FOXP2: variants seen among roughly 807,000 people sequenced by gnomAD.
FOXP2 encodes forkhead box protein P2.
Under a neutral mutation model 115.8 loss-of-function variants are expected in FOXP2, and 12 were observed. That is an observed-to-expected ratio of 0.10 (90% CI 0.07 to 0.17). The LOEUF is 0.17. FOXP2 is among the 10% of genes least tolerant of loss of function. FOXP2 has a pLI of 1.00. For missense variants in FOXP2, 629 were observed against 843.5 expected (o/e 0.75, Z 3.15); for synonymous variants, 328 against 297.7 (o/e 1.10, Z -1.05).
At chr7:114,665,947 G>A (rs1807141087) in intron 16 of FOXP2, 1 of 151,892 alleles carries the variant, frequency 6.6e-6, no homozygotes, top group African/African-American at 2.4e-5. Context: ...ATAATAATTG[G>A]GCTAAATTGT....
At chr7:114,644,657 A>G in intron 7 of FOXP2, 28 bp from the exon 8 acceptor site, 2 of 1,580,322 alleles carry the variant, frequency 1.3e-6, no homozygotes, top group Non-Finnish European at 1.7e-6. Flanking sequence ...TTTTGAGATG[A>G]ATCTGACGTC....
chr7:114,510,768 T>C (rs184237097), intron 2 of FOXP2, among the ~76,000 whole-genome samples: 1 of 152,252 alleles, frequency 6.6e-6, no homozygotes, highest in East Asian at 1.9e-4. Context: ...GGAGTATAAA[T>C]TACTTCAACC....
intron 1 of FOXP2, among the ~76,000 whole-genome samples, chr7:114,274,857 G>A (rs982628827): frequency 6.6e-6 from 1 of 151,652 alleles, no homozygotes; most frequent in African/African-American, 2.4e-5. Flanking sequence ...GTTTCACCAT[G>A]TTACCTAGGC....
In FOXP2 at chr7:114,580,700, T is replaced by G. The variant is rs890882412; in HGVS notation, c.258+45994T>G. Reference sequence around the variant, plus strand: ...ACAAGAAATTGAGATTTCTGTAATTTTATACCTGGTTATCTGTATTTGGCA... The same window carrying G: ...ACAAGAAATTGAGATTTCTGTAATTGTATACCTGGTTATCTGTATTTGGCA... On this transcript the variant is annotated intron_variant, in intron 3 of 16. Coordinates refer to ENST00000350908, the MANE Select transcript of FOXP2 (RefSeq NM_014491.4). Among the ~76,000 whole-genome samples, 18 of 152,312 alleles carry G rather than the reference T, an allele frequency of 1.2e-4. No individual in the cohort carries two copies. In the East Asian group the frequency reaches 3.3e-3, roughly 28 times the overall value.
At chr7:114,601,822 T>C (rs186542683) in intron 3 of FOXP2, among the ~76,000 whole-genome samples, 2 of 152,266 alleles carry the variant, frequency 1.3e-5, no homozygotes, top group East Asian at 3.9e-4. Flanking sequence ...ACATCAGTGA[T>C]TTCAAGCCTT....
intron 10 of FOXP2, among the ~76,000 whole-genome samples, chr7:114,654,488 G>A (rs1383485773): frequency 6.6e-6 from 1 of 151,890 alleles, no homozygotes; most frequent in Non-Finnish European, 1.5e-5. Flanking sequence ...CTATTTCTTT[G>A]GTTATTTCAG....
At chr7:114,149,546 ACTAGCC>A (rs1792473574) in intron 1 of FOXP2, among the ~76,000 whole-genome samples, 1 of 152,106 alleles carries the variant, frequency 6.6e-6, no homozygotes, top group Non-Finnish European at 1.5e-5. Context: ...CATCAGCAGC[ACTAGCC>A]CTTTAATTAC....
intron 2 of FOXP2, chr7:114,297,159 T>C: frequency 2.0e-6 from 1 of 496,126 alleles, no homozygotes. Flanking sequence ...AGAACGTTTC[T>C]CAGCTCCTCC....
upstream of FOXP2, among the ~76,000 whole-genome samples, chr7:114,161,763 T>G (rs938074674): frequency 1.2e-4 from 18 of 152,046 alleles, no homozygotes; most frequent in Admixed American, 1.3e-4. Flanking sequence ...ATCCAGGTAA[T>G]GGCACATGTT....
intron 16 of FOXP2, among the ~76,000 whole-genome samples, chr7:114,683,154 C>G (rs1012121247): frequency 8.5e-5 from 13 of 152,124 alleles, no homozygotes; most frequent in African/African-American, 2.9e-4. Flanking sequence ...TCCAAGCATA[C>G]TTAATTTCAG....
intron 2 of FOXP2, among the ~76,000 whole-genome samples, chr7:114,474,462 C>A (rs1796172106): frequency 6.6e-6 from 1 of 152,146 alleles, no homozygotes; most frequent in Admixed American, 6.6e-5. Flanking sequence ...TGTAGCATAA[C>A]AAACATCCTG....
At chr7:114,248,087 C>T (rs994290014) in intron 1 of FOXP2, among the ~76,000 whole-genome samples, 6 of 151,132 alleles carry the variant, frequency 4.0e-5, no homozygotes, top group Admixed American at 6.6e-5. Flanking sequence ...GACCTGAGAA[C>T]GAGGAGAGCC....
chr7:114,286,543 T>C (rs754209723), intron 1 of FOXP2, among the ~76,000 whole-genome samples: 13 of 152,050 alleles, frequency 8.5e-5, no homozygotes, highest in Admixed American at 2.6e-4. Context: ...TTTGGTGGCA[T>C]ATATTAGGCA....
chr7:114,319,041 G>A (rs1176916411), intron 2 of FOXP2, among the ~76,000 whole-genome samples: 2 of 151,876 alleles, frequency 1.3e-5, no homozygotes, highest in Non-Finnish European at 2.9e-5. Context: ...AGATTAGCTA[G>A]CAACCCTGCC....
chr7:114,544,970 CTT>C (rs1449588406), intron 3 of FOXP2, among the ~76,000 whole-genome samples: 1 of 152,084 alleles, frequency 6.6e-6, no homozygotes, highest in African/African-American at 2.4e-5. Context: ...ACTTGCAAGT[CTT>C]ATAAAAATGG....
chr7:114,549,906 G>T (rs1255822408), intron 3 of FOXP2, among the ~76,000 whole-genome samples: 3 of 151,928 alleles, frequency 2.0e-5, no homozygotes, highest in Non-Finnish European at 2.9e-5. Context: ...TGTTATGAAA[G>T]GTTTGTCTAC....
chr7:114,532,619 A>C (rs1267414939), intron 2 of FOXP2, among the ~76,000 whole-genome samples: 1 of 151,910 alleles, frequency 6.6e-6, no homozygotes, highest in Non-Finnish European at 1.5e-5. Flanking sequence ...GATGATTTTC[A>C]AGATAGCTTT....
At chr7:114,373,175 G>GT (rs1554378705) in intron 2 of FOXP2, among the ~76,000 whole-genome samples, 2 of 151,772 alleles carry the variant, frequency 1.3e-5, no homozygotes, top group East Asian at 1.9e-4. Flanking sequence ...TTGTTTGTTT[G>GT]TTTGTTTTGT....
At chr7:114,379,301 G>T (rs1217960566) in intron 2 of FOXP2, among the ~76,000 whole-genome samples, 2 of 152,088 alleles carry the variant, frequency 1.3e-5, no homozygotes, top group Non-Finnish European at 2.9e-5. Context: ...TCTCTGATTG[G>T]TTGGGTGGGA....
Sources: allele counts gnomAD v4.1 joint callset (sites outside exome capture counted in the v4.1 genomes callset), GRCh38; gene constraint gnomAD v4.1.1; transcripts MANE v1.5; gene names NCBI Gene and HGNC (gene_info 2026-07-23, HGNC 2026-07-21).